Variants in SMTNL1 observed in about 807,000 individuals in gnomAD.
The protein encoded by SMTNL1 is smoothelin like 1, also known as smoothelin-like protein 1.
A neutral mutation model predicts 46.6 loss-of-function variants in SMTNL1; 41 were observed. The ratio of observed to expected loss-of-function variants is 0.88; its 90% CI spans 0.69 to 1.14. The LOEUF is 1.14. Among genes scored for constraint, SMTNL1 ranks in the 50% most tolerant of loss-of-function variants. The probability of loss-of-function intolerance (pLI) is 0.00; values close to 1 mark genes in which losing one functional copy is unlikely to be tolerated. For missense variants in SMTNL1, 591 were observed against 626.1 expected, an observed-to-expected ratio of 0.94 and a Z score of 0.60; for synonymous variants, 234 against 234.2, an observed-to-expected ratio of 1.00 and a Z score of 0.01.
chr11:57,546,656 A>C lies in SMTNL1; in HGVS notation c.1340+4A>C, dbSNP rs778479649. The C allele has an allele frequency of 4.3e-6, 7 of 1,612,466 alleles. No individual in the cohort carries two copies. In the Admixed American group the frequency reaches 1.0e-4, roughly 23 times the overall value. On this transcript the variant is annotated splice_donor_region_variant and intron_variant, in intron 7 of 7. Transcript: ENST00000527972. Reference sequence around the variant, plus strand: ...CCCTGGCCTTCTCCACAGCAGAGTAAGCCACAGCCATGGGCTGGCAGAGCT... The same window carrying C: ...CCCTGGCCTTCTCCACAGCAGAGTACGCCACAGCCATGGGCTGGCAGAGCT...
rs1944925888 is a variant in SMTNL1, at chr11:57,546,622, A to C, written c.1310A>C (p.His437Pro). The change falls in exon 7 of 8, where the codon CAC becomes CCC. Residue 437 changes from histidine (H) to proline (P), a missense_variant. By Grantham distance (77) the His-to-Pro change is moderately conservative. Coordinates refer to ENST00000527972, the MANE Select transcript of SMTNL1 (RefSeq NM_001105565.3). ...GAGCTGGATCCCGCAAAGCGCCGGCACAACTTCACCCTGGCCTTCTCCACA... is the reference window on the plus strand; with the variant it reads ...GAGCTGGATCCCGCAAAGCGCCGGCCCAACTTCACCCTGGCCTTCTCCACA... The part of the protein sequence containing the change: ...YAELDPAKRR[H>P]NFTLAFSTAE... 9 of 1,613,946 alleles carry C rather than the reference A, an allele frequency of 5.6e-6. No individual in the cohort carries two copies. The highest frequency in any genetic ancestry group is 7.6e-6 in the Non-Finnish European group (9 of 1,179,880).
intron 7 of SMTNL1, 128 bp from the exon 8 acceptor site, chr11:57,549,840 A>C (rs1944944869): frequency 2.1e-6 from 2 of 956,412 alleles, no homozygotes; most frequent in Non-Finnish European, 3.1e-6. Flanking sequence ...GGCTTAGATG[A>C]TCTCCCAGCC....
intron 1 of SMTNL1, among the ~76,000 whole-genome samples, chr11:57,540,649 C>G (rs1157589113): frequency 6.6e-6 from 1 of 152,060 alleles, no homozygotes; most frequent in Admixed American, 6.5e-5. Flanking sequence ...TCACAGCCAG[C>G]TCCACAACTT....
At chr11:57,539,003 C>T (rs907069569) in intron 1 of SMTNL1, among the ~76,000 whole-genome samples, 1 of 151,990 alleles carries the variant, frequency 6.6e-6, no homozygotes, top group Non-Finnish European at 1.5e-5. Flanking sequence ...TGTGCGTGCA[C>T]CTACCCTTCC....
intron 7 of SMTNL1, among the ~76,000 whole-genome samples, chr11:57,547,804 T>A (rs1944932694): frequency 6.6e-6 from 1 of 152,194 alleles, no homozygotes; most frequent in South Asian, 2.1e-4. Context: ...TCCAAAATCC[T>A]CCAGTGTGTG....
chr11:57,541,664 T>C (rs1944879004), intron 1 of SMTNL1: 4 of 1,176,224 alleles, frequency 3.4e-6, no homozygotes, highest in Middle Eastern at 3.7e-4. Flanking sequence ...CAGTTGGCCC[T>C]GGGGTTCCCA....
chr11:57,546,306 A>G lies in SMTNL1; in HGVS notation c.1147A>G (p.Met383Val), dbSNP rs1944923082. The change falls in exon 6 of 8, where the codon ATG (methionine) becomes GTG (valine). Residue 383 changes from methionine to valine, a missense_variant. Met to Val is a conservative substitution (Grantham distance 21, BLOSUM62 1). Coordinates refer to ENST00000527972, the MANE Select transcript of SMTNL1 (RefSeq NM_001105565.3). ...GGCAGCCATTGGTGGTGTCAAGAAC[A>G]TGCTCTTGGAGTGGTGCCGAGCCAT... The part of the protein sequence containing the change: ...AGAAIGGVKN[M>V]LLEWCRAMTK... 1 of 1,611,476 alleles carries G rather than the reference A, an allele frequency of 6.2e-7. No individual in the cohort carries two copies. The highest frequency in any genetic ancestry group is 8.5e-7 in the Non-Finnish European group (1 of 1,179,018).
In SMTNL1 at chr11:57,542,821, A is replaced by C; in HGVS notation, c.179A>C (p.Asp60Ala). The C allele has an allele frequency of 6.2e-7, 1 of 1,613,750 alleles. No homozygotes were observed. Among genetic ancestry groups the C allele is most frequent in the Non-Finnish European group, 8.5e-7 (1 of 1,179,816 alleles). ...SGKQEKAPAE[D>A]GMSAELQGEA... ...AAGCAGGAAAAGGCACCAGCCGAGG[A>C]CGGCATGTCAGCAGAACTCCAGGGG... Residue 60 changes from aspartate (D) to alanine (A), a missense_variant, in exon 2 of 8, where the codon GAC (aspartate) becomes GCC (alanine). Asp to Ala is a moderately radical substitution (Grantham distance 126). Transcript: ENST00000527972.
intron 1 of SMTNL1, chr11:57,541,663 C>G: frequency 8.5e-7 from 1 of 1,176,686 alleles, no homozygotes; most frequent in South Asian, 1.4e-5. Context: ...CCAGTTGGCC[C>G]TGGGGTTCCC....
rs1169290241 is a variant in SMTNL1, at chr11:57,545,976, C to T, written c.1013C>T (p.Pro338Leu). ...EKAPERRVSA[P>L]ARPRGPRAQN... ...GCACCAGAGCGCAGGGTATCAGCCC[C>T]TGCTCGGCCCCGGGGGCCCCGGGCA... Residue 338 changes from proline to leucine, a missense_variant, in exon 5 of 8, where the codon CCT becomes CTT. Pro to Leu is a moderately conservative substitution (Grantham distance 98, BLOSUM62 -3). Coordinates refer to ENST00000527972, the MANE Select transcript of SMTNL1 (RefSeq NM_001105565.3). The T allele has an allele frequency of 6.2e-7, 1 of 1,609,624 alleles. No individual in the cohort carries two copies. The highest frequency in any genetic ancestry group is 8.5e-7 in the Non-Finnish European group (1 of 1,178,518).
At chr11:57,548,038 T>A (rs1590804724) in intron 7 of SMTNL1, among the ~76,000 whole-genome samples, 1 of 152,196 alleles carries the variant, frequency 6.6e-6, no homozygotes, top group East Asian at 1.9e-4. Flanking sequence ...ACCAAAACAC[T>A]CTGAGTCTCC....
intron 7 of SMTNL1, among the ~76,000 whole-genome samples, chr11:57,547,188 C>T (rs960035446): frequency 5.3e-5 from 8 of 152,202 alleles, no homozygotes; most frequent in African/African-American, 1.9e-4. Context: ...TCTGGACTTA[C>T]AGCTCTAAGT....
In SMTNL1 at chr11:57,546,350, G is replaced by A. The variant is rs1308788567; in HGVS notation, c.1188+3G>A. ...GAGCCATGACAAAAAAATACGAGGT[G>A]GGCATGGGGCAGAGCTGCGTGGGTG... On this transcript the variant is annotated splice_donor_region_variant and intron_variant, in intron 6 of 7. Transcript: ENST00000527972. The A allele has an allele frequency of 6.9e-6, 11 of 1,604,086 alleles. No individual in the cohort carries two copies. Among genetic ancestry groups the A allele is most frequent in the South Asian group, 1.1e-5 (1 of 89,380 alleles).
Position 57,546,284 on chromosome 11 carries a change from A to G in SMTNL1, c.1125A>G (p.Ala375=). Residue 375 remains alanine, a synonymous_variant, in exon 6 of 8, where the codon GCA becomes GCG. Transcript: ENST00000527972. ...TCCGCAACACTAAGGCAGCCGGGGC[A>G]GCCATTGGTGGTGTCAAGAACATGC... The part of the protein sequence containing the change: ...ALFRNTKAAG[A]AIGGVKNMLL... The G allele has an allele frequency of 1.2e-6, 2 of 1,611,444 alleles. No homozygotes were observed. The highest frequency in any genetic ancestry group is 1.7e-6 in the Non-Finnish European group (2 of 1,178,940).
intron 4 of SMTNL1, 51 bp from the exon 5 acceptor site, chr11:57,545,830 T>G (rs772369448): frequency 3.6e-6 from 5 of 1,376,162 alleles, no homozygotes; most frequent in Non-Finnish European, 5.0e-6. Flanking sequence ...CCCTGTGTCC[T>G]GCAGTGCTGG....
chr11:57,538,740 C>G (rs989874175), intron 1 of SMTNL1, among the ~76,000 whole-genome samples: 3 of 152,332 alleles, frequency 2.0e-5, no homozygotes, highest in South Asian at 4.1e-4. Flanking sequence ...CTCCCTGAGC[C>G]TGAAATCCCC....
chr11:57,540,056 A>T (rs1385611982), intron 1 of SMTNL1, among the ~76,000 whole-genome samples: 1 of 152,062 alleles, frequency 6.6e-6, no homozygotes, highest in Non-Finnish European at 1.5e-5. Flanking sequence ...TGCTAGAGAG[A>T]GTGGTAGATG....
At chr11:57,545,792 C>T in intron 4 of SMTNL1, 89 bp from the exon 5 acceptor site, 1 of 1,243,456 alleles carries the variant, frequency 8.0e-7, no homozygotes, top group Non-Finnish European at 1.1e-6. Flanking sequence ...ACTGCAGTGC[C>T]ACCCACCCTC....
Position 57,542,522 on chromosome 11 carries a change from G to C in SMTNL1, c.-2-119G>C, listed in dbSNP as rs1042069897. 4.2e-6 allele frequency: 5 copies of C among 1,184,770 alleles called. No homozygotes were observed. The Admixed American group carries it at 1.4e-4, about 34-fold the overall frequency. 73.4% of individuals were successfully genotyped at this position (1,184,770 alleles called of 1,614,324 possible). A position where few individuals can be genotyped will look rare whatever the true frequency, so the allele number is the denominator to read the frequency against. ...CTTCGTGATTGGGCCCCATGTCCAA[G>C]TAGGAGCCAAGACTGAACCACGGAC... On this transcript the variant is annotated intron_variant, in intron 1 of 7. Transcript: ENST00000527972.
Sources: allele counts gnomAD v4.1 joint callset (sites outside exome capture counted in the v4.1 genomes callset), GRCh38; gene constraint gnomAD v4.1.1; transcripts MANE v1.5; gene names NCBI Gene and HGNC (gene_info 2026-07-23, HGNC 2026-07-21).